TAFA5: variants seen among roughly 807,000 people sequenced by gnomAD.
TAFA5 encodes the protein TAFA chemokine like family member 5, also known as chemokine-like protein TAFA-5.
In TAFA5, 6 loss-of-function variants were observed where a neutral mutation model predicts 15.3. The observed-to-expected ratio is 0.39, with a 90% CI of 0.21 to 0.77. The LOEUF is 0.77. Ranked by LOEUF, TAFA5 falls within the 30% of genes least tolerant of loss-of-function variation. The probability of loss-of-function intolerance (pLI) is 0.41; values close to 1 mark genes in which losing one functional copy is unlikely to be tolerated. For synonymous variants in TAFA5, 103 were observed against 80.7 expected, an observed-to-expected ratio of 1.28 and a Z score of -1.48; for missense variants, 161 against 193.1, an observed-to-expected ratio of 0.83 and a Z score of 0.98.
chr22:48,698,062 CATA>C (rs1928778093), intron 2 of TAFA5, among the ~76,000 whole-genome samples: 1 of 67,226 alleles, frequency 1.5e-5, no homozygotes, highest in Admixed American at 1.5e-4. Flanking sequence ...AGGATGATGT[CATA>C]ATGATGGTGA....
rs536634044 is a variant in TAFA5, at chr22:48,574,367, C to T, written c.113-72230C>T. ...TCTCCCCTGGCCGGCTGCTGGGCAC[C>T]GCGAGCCAGGTCAGGCAGACAGCAT... On this transcript the variant is annotated intron_variant, in intron 1 of 3. Coordinates refer to ENST00000402357, the MANE Select transcript of TAFA5 (RefSeq NM_001082967.3). Among the ~76,000 whole-genome samples, 15 of 151,858 alleles carry T rather than the reference C, an allele frequency of 9.9e-5. No homozygotes were observed. The East Asian group carries it at 1.9e-3, about 20-fold the overall frequency.
At chr22:48,546,062 G>A (rs1240883581) in intron 1 of TAFA5, among the ~76,000 whole-genome samples, 2 of 152,166 alleles carry the variant, frequency 1.3e-5, no homozygotes, top group African/African-American at 4.8e-5. Flanking sequence ...TCGGTTTTGG[G>A]GCTGGCCCTC....
chr22:48,659,330 A>T (rs899377007), intron 2 of TAFA5, among the ~76,000 whole-genome samples: 30 of 152,190 alleles, frequency 2.0e-4, no homozygotes, highest in Non-Finnish European at 3.8e-4. Context: ...GGAGGGAGGG[A>T]GACATTCACA....
At chr22:48,570,235 T>A (rs545160773) in intron 1 of TAFA5, among the ~76,000 whole-genome samples, 109 of 152,380 alleles carry the variant, frequency 7.2e-4, no homozygotes, top group African/African-American at 2.5e-3. Flanking sequence ...AAAACATGGC[T>A]GAGGCTGCCT....
chr22:48,658,382 T>A lies in TAFA5; in HGVS notation c.262+11636T>A, dbSNP rs559844508. Among the ~76,000 whole-genome samples the A allele has an allele frequency of 5.3e-5, 8 of 152,356 alleles. No homozygotes were observed. The East Asian group carries it at 1.3e-3, about 26-fold the overall frequency. Reference sequence around the variant, plus strand: ...TTGCTTGTCCATGGCAGACGCCAGATGGATGTGCACAGCCCATGGGCGCTC... The same window carrying A: ...TTGCTTGTCCATGGCAGACGCCAGAAGGATGTGCACAGCCCATGGGCGCTC... On this transcript the variant is annotated intron_variant, in intron 2 of 3. Transcript: ENST00000402357.
At chr22:48,503,527 G>C (rs1342043327) in intron 1 of TAFA5, among the ~76,000 whole-genome samples, 4 of 152,246 alleles carry the variant, frequency 2.6e-5, no homozygotes, top group Non-Finnish European at 4.4e-5. Context: ...AGGGACAGTG[G>C]AAGCCGGTAG....
At chr22:48,584,654 A>G (rs1161025455) in intron 1 of TAFA5, among the ~76,000 whole-genome samples, 1 of 149,990 alleles carries the variant, frequency 6.7e-6, no homozygotes, top group African/African-American at 2.5e-5. Flanking sequence ...CACATGCACC[A>G]CACACACAGC....
At chr22:48,582,253 C>T (rs1240022343) in intron 1 of TAFA5, among the ~76,000 whole-genome samples, 3 of 151,888 alleles carry the variant, frequency 2.0e-5, no homozygotes, top group Non-Finnish European at 4.4e-5. Flanking sequence ...ATACCATACA[C>T]CCCACATACT....
intron 1 of TAFA5, among the ~76,000 whole-genome samples, chr22:48,586,711 T>C (rs899008739): frequency 6.6e-6 from 1 of 152,350 alleles, no homozygotes. Flanking sequence ...GGAAGGTGGC[T>C]TGGACCCTGG....
At chr22:48,728,361 TG>T (rs1333578406) in intron 3 of TAFA5, among the ~76,000 whole-genome samples, 2 of 152,216 alleles carry the variant, frequency 1.3e-5, no homozygotes, top group African/African-American at 2.4e-5. Context: ...GAAGGTCACA[TG>T]CAATGTCTGA....
intron 2 of TAFA5, among the ~76,000 whole-genome samples, chr22:48,653,940 CA>C (rs1440282243): frequency 1.3e-5 from 2 of 152,072 alleles, no homozygotes; most frequent in Non-Finnish European, 2.9e-5. Context: ...AGGTTGGGAG[CA>C]CACTGGGAGG....
intron 1 of TAFA5, among the ~76,000 whole-genome samples, chr22:48,525,012 G>A (rs1013304043): frequency 2.0e-5 from 3 of 151,986 alleles, no homozygotes; most frequent in South Asian, 2.1e-4. Flanking sequence ...ACTTCTCTCC[G>A]CCCTGCCCTC....
At chr22:48,620,587 C>A (rs1925765131) in intron 1 of TAFA5, among the ~76,000 whole-genome samples, 1 of 60,560 alleles carries the variant, frequency 1.7e-5, no homozygotes, top group Admixed American at 1.7e-4. Context: ...ATCCATCCGT[C>A]CACCCACCCC....
intron 1 of TAFA5, among the ~76,000 whole-genome samples, chr22:48,520,255 G>A (rs1200409487): frequency 6.6e-6 from 1 of 152,360 alleles, no homozygotes; most frequent in East Asian, 1.9e-4. Flanking sequence ...GTGAGATGCC[G>A]GGTTTGTGGG....
intron 1 of TAFA5, among the ~76,000 whole-genome samples, chr22:48,491,709 T>C (rs928133874): frequency 2.6e-5 from 4 of 152,186 alleles, no homozygotes. Flanking sequence ...ACGTTGTTCA[T>C]CCGGACGGGC....
At chr22:48,678,354 C>G (rs1422376939) in intron 2 of TAFA5, among the ~76,000 whole-genome samples, 2 of 152,222 alleles carry the variant, frequency 1.3e-5, no homozygotes, top group East Asian at 1.9e-4. Flanking sequence ...AGCCGAGCCA[C>G]CCTCGGAGAA....
At chr22:48,652,156 G>A (rs1198232471) in intron 2 of TAFA5, among the ~76,000 whole-genome samples, 1 of 152,264 alleles carries the variant, frequency 6.6e-6, no homozygotes, top group African/African-American at 2.4e-5. Flanking sequence ...CCAGCTGAAG[G>A]CATGTTGTGG....
intron 3 of TAFA5, among the ~76,000 whole-genome samples, chr22:48,709,659 C>T (rs189043533): frequency 1.3e-3 from 191 of 152,276 alleles, no homozygotes; most frequent in Non-Finnish European, 2.3e-3. Flanking sequence ...TTGAGGCCCA[C>T]GAGGCGCCCA....
intron 3 of TAFA5, among the ~76,000 whole-genome samples, chr22:48,708,810 A>G (rs1365243638): frequency 1.3e-5 from 2 of 152,202 alleles, no homozygotes; most frequent in Admixed American, 1.3e-4. Flanking sequence ...AGGATTGCAC[A>G]GGGAGAGGGG....
Sources: gnomAD v4.1 joint callset for allele counts (sites outside exome capture counted in the v4.1 genomes callset) on GRCh38, gnomAD v4.1.1 for gene constraint, MANE v1.5 for transcripts, NCBI Gene and HGNC (gene_info 2026-07-23, HGNC 2026-07-21) for gene names.